Variants in KCNN2 observed in about 807,000 individuals in gnomAD.
KCNN2 encodes the protein small conductance calcium-activated potassium channel protein 2.
In KCNN2, 24 loss-of-function variants were observed where a neutral mutation model predicts 55.5. The observed-to-expected ratio is 0.43, with a 90% CI of 0.31 to 0.61. The LOEUF (loss-of-function observed/expected upper bound fraction) is 0.61. Among genes scored for constraint, KCNN2 ranks in the 20% least tolerant of loss-of-function variants. The probability of loss-of-function intolerance (pLI) is 0.08; values close to 1 mark genes in which losing one functional copy is unlikely to be tolerated. For synonymous variants in KCNN2, 431 were observed against 336.1 expected, an observed-to-expected ratio of 1.28 and a Z score of -3.09; for missense variants, 754 against 853.6, an observed-to-expected ratio of 0.88 and a Z score of 1.45.
At chr5:114,080,900 C>G (rs1249072768) in intron 1 of KCNN2, among the ~76,000 whole-genome samples, 1 of 152,010 alleles carries the variant, frequency 6.6e-6, no homozygotes, top group Non-Finnish European at 1.5e-5. Context: ...TATCTCTGTT[C>G]AGAGATGGTA....
chr5:114,318,149 T>C (rs1342741800), intron 2 of KCNN2, among the ~76,000 whole-genome samples: 1 of 152,246 alleles, frequency 6.6e-6, no homozygotes, highest in African/African-American at 2.4e-5. Context: ...GGACTCATTA[T>C]ATTTCTACTT....
rs528552367 is a variant in KCNN2 at position 114,304,198 on chromosome 5, C to T, written c.-184-56747C>T. Reference sequence around the variant, plus strand: ...CTATTTTCAGCTAGAGCCAACATAGCGGGCCAACCCATCTGGGAAACAGGT... The same window carrying T: ...CTATTTTCAGCTAGAGCCAACATAGTGGGCCAACCCATCTGGGAAACAGGT... On this transcript the variant is annotated intron_variant, in intron 2 of 10. Coordinates refer to the KCNN2 transcript ENST00000512097. 3.1e-3 allele frequency among the ~76,000 whole-genome samples: 468 copies of T among 152,216 alleles called. 1 individual carries two copies. Among genetic ancestry groups the T allele is most frequent in the Non-Finnish European group, 5.2e-3 (354 of 68,018 alleles).
At chr5:114,434,162 C>T (rs1332326677) in intron 3 of KCNN2, among the ~76,000 whole-genome samples, 1 of 147,536 alleles carries the variant, frequency 6.8e-6, no homozygotes, top group African/African-American at 2.5e-5. Flanking sequence ...TCCTTTTTAG[C>T]ATATCAGTTA....
At chr5:114,105,475 A>G (rs1580518026) in intron 1 of KCNN2, among the ~76,000 whole-genome samples, 1 of 152,108 alleles carries the variant, frequency 6.6e-6, no homozygotes, top group Non-Finnish European at 1.5e-5. Context: ...TAAGTCAAAC[A>G]AAATTGAATT....
chr5:114,159,103 G>A lies in KCNN2; in HGVS notation c.-270-62377G>A, dbSNP rs543471827. On this transcript the variant is annotated intron_variant, in intron 1 of 10. Transcript: ENST00000512097. Reference sequence around the variant, plus strand: ...GCCAGTTTTCAAAGGGAATGCTTTCGGTTTTTGTCCATTCAGTATGATATT... The same window carrying A: ...GCCAGTTTTCAAAGGGAATGCTTTCAGTTTTTGTCCATTCAGTATGATATT... 1.4e-4 allele frequency among the ~76,000 whole-genome samples: 21 copies of A among 152,104 alleles called. No homozygotes were observed. The East Asian group carries it at 2.1e-3, about 15-fold the overall frequency.
chr5:114,317,179 A>G (rs1351071698), intron 2 of KCNN2, among the ~76,000 whole-genome samples: 1 of 152,178 alleles, frequency 6.6e-6, no homozygotes, highest in African/African-American at 2.4e-5. Context: ...GAAAAATAAA[A>G]AGAAAATAGA....
At chr5:114,282,170 A>G (rs947223987) in intron 2 of KCNN2, among the ~76,000 whole-genome samples, 1 of 151,932 alleles carries the variant, frequency 6.6e-6, no homozygotes, top group African/African-American at 2.4e-5. Context: ...TATTAATTCA[A>G]CTATTTATTT....
chr5:114,103,167 G>A (rs187650856), intron 1 of KCNN2, among the ~76,000 whole-genome samples: 1 of 152,192 alleles, frequency 6.6e-6, no homozygotes, highest in East Asian at 1.9e-4. Flanking sequence ...TTTGTTAATT[G>A]TATTCCTAGG....
intron 2 of KCNN2, among the ~76,000 whole-genome samples, chr5:114,256,619 G>T (rs1190972489): frequency 6.6e-6 from 1 of 152,136 alleles, no homozygotes; most frequent in Non-Finnish European, 1.5e-5. Context: ...TTTCTGTAAG[G>T]ATTAGTGATG....
intron 1 of KCNN2, among the ~76,000 whole-genome samples, chr5:114,189,976 C>A (rs1753418771): frequency 6.6e-6 from 1 of 151,586 alleles, no homozygotes; most frequent in African/African-American, 2.4e-5. Flanking sequence ...CAAAAGTTAA[C>A]AAAAGAAAAA....
intron 2 of KCNN2, among the ~76,000 whole-genome samples, chr5:114,393,389 G>A (rs895822101): frequency 6.6e-6 from 1 of 152,088 alleles, no homozygotes; most frequent in East Asian, 1.9e-4. Flanking sequence ...GTGTTTGGCT[G>A]TGTACACTGT....
chr5:114,068,674 T>A (rs2112521887), intron 1 of KCNN2, among the ~76,000 whole-genome samples: 2 of 152,312 alleles, frequency 1.3e-5, no homozygotes, highest in East Asian at 3.9e-4. Context: ...CCAGGGAAAA[T>A]AATTCACAGT....
intron 2 of KCNN2, among the ~76,000 whole-genome samples, chr5:114,274,551 C>T (rs910360336): frequency 1.3e-5 from 2 of 152,172 alleles, no homozygotes; most frequent in African/African-American, 4.8e-5. Flanking sequence ...AGGTCCTTCA[C>T]ATCCCTTTAA....
chr5:114,069,835 T>C (rs896164938), intron 1 of KCNN2, among the ~76,000 whole-genome samples: 2 of 152,176 alleles, frequency 1.3e-5, no homozygotes, highest in African/African-American at 4.8e-5. Context: ...AGCTAAAGGT[T>C]AGAGATGGAA....
At chr5:114,418,723 G>C (rs1276706244) in intron 3 of KCNN2, among the ~76,000 whole-genome samples, 1 of 152,164 alleles carries the variant, frequency 6.6e-6, no homozygotes, top group East Asian at 1.9e-4. Context: ...CATGTGCTAA[G>C]ATCACTGCCA....
intron 4 of KCNN2, among the ~76,000 whole-genome samples, chr5:114,469,880 A>C (rs996295523): frequency 2.6e-5 from 4 of 152,292 alleles, no homozygotes; most frequent in East Asian, 1.9e-4. Flanking sequence ...GGGAAGTATA[A>C]GTTTATGGTT....
intron 2 of KCNN2, among the ~76,000 whole-genome samples, chr5:114,233,586 C>A (rs139036529): frequency 3.7e-4 from 56 of 152,144 alleles, no homozygotes; most frequent in Admixed American, 1.0e-3. Context: ...TTGTGGGAAA[C>A]CGCTTTCTTT....
intron 4 of KCNN2, among the ~76,000 whole-genome samples, chr5:114,466,952 C>T (rs1039886993): frequency 2.6e-5 from 4 of 152,056 alleles, no homozygotes; most frequent in Non-Finnish European, 4.4e-5. Context: ...AAAATCACTA[C>T]GCTAATTAAA....
chr5:114,362,916 C>G lies in KCNN2; in HGVS notation c.777C>G (p.Ser259=), dbSNP rs1464175113. ...CTGTCGGAGGAGGTGGCGGCGCGTCCTCCCCGTCTGCAGCCGCTGCCGCCG... is the reference window on the plus strand; with the variant it reads ...CTGTCGGAGGAGGTGGCGGCGCGTCGTCCCCGTCTGCAGCCGCTGCCGCCG... ...PASVGGGGGA[S]SPSAAAAAAA... The change falls in exon 1 of 8, where the codon TCC becomes TCG. Residue 259 remains serine (S), a synonymous_variant. Transcript: ENST00000673685. The G allele has an allele frequency of 1.3e-6, 2 of 1,583,334 alleles. No individual in the cohort carries two copies. Among genetic ancestry groups the G allele is most frequent in the East Asian group, 2.3e-5 (1 of 43,166 alleles).
Sources: gnomAD v4.1 joint callset for allele counts (sites outside exome capture counted in the v4.1 genomes callset) on GRCh38, gnomAD v4.1.1 for gene constraint, MANE v1.5 for transcripts, NCBI Gene and HGNC (gene_info 2026-07-23, HGNC 2026-07-21) for gene names.